The following PUDP variants were observed in gnomAD, a reference collection of about 807,000 sequenced individuals.
The protein encoded by PUDP is pseudouridine-5'-phosphatase.
Under a neutral mutation model 9.4 loss-of-function variants are expected in PUDP, and 8 were observed. That is an observed-to-expected ratio of 0.85 (90% CI 0.50 to 1.53). The LOEUF is 1.53. Among genes scored for constraint, PUDP ranks in the 40% most tolerant of loss-of-function variants. The pLI is 0.00. For synonymous variants in PUDP, 99 were observed against 80.7 expected (o/e 1.23, Z -1.22); for missense variants, 188 against 189.7 (o/e 0.99, Z 0.05).
chrX:6,778,201 T>C (rs1925498570), intron 3 of PUDP, among the ~76,000 whole-genome samples: 1 of 111,781 alleles, frequency 8.9e-6, no homozygotes, highest in South Asian at 3.8e-4. Flanking sequence ...CTGGCCCCCT[T>C]ACGTCCCTGA....
intron 3 of PUDP, among the ~76,000 whole-genome samples, chrX:6,783,343 G>C (rs1925595883): frequency 9.0e-6 from 1 of 111,026 alleles, no homozygotes; most frequent in Non-Finnish European, 1.9e-5. Context: ...TCCTCCTCTA[G>C]CTTTCGGGAA....
At chrX:6,915,109 T>G (rs1927910130) in intron 3 of PUDP, among the ~76,000 whole-genome samples, 1 of 112,168 alleles carries the variant, frequency 8.9e-6, no homozygotes, top group South Asian at 3.7e-4. Context: ...GAATTAGCCT[T>G]TGTATCTCTG....
At chrX:7,065,102 C>A (rs766605252) in intron 3 of PUDP, among the ~76,000 whole-genome samples, 1 of 111,597 alleles carries the variant, frequency 9.0e-6, no homozygotes, top group Non-Finnish European at 1.9e-5. Context: ...CTCACTGCAA[C>A]CTCCTCCTCC....
At chrX:6,752,113 C>T (rs1268173026) in intron 3 of PUDP, among the ~76,000 whole-genome samples, 1 of 111,685 alleles carries the variant, frequency 9.0e-6, no homozygotes, top group East Asian at 2.8e-4. Flanking sequence ...ACTATAAATC[C>T]TCATTCATTC....
chrX:6,713,245 G>GCACA (rs779580317), intron 1 of PUDP, among the ~76,000 whole-genome samples: 61 of 111,801 alleles, frequency 5.5e-4, no homozygotes, highest in African/African-American at 1.9e-3. Context: ...TCCATTTGAA[G>GCACA]CACAGTGTCT....
intron 3 of PUDP, among the ~76,000 whole-genome samples, chrX:6,869,122 A>G (rs911519150): frequency 1.8e-5 from 2 of 111,879 alleles, no homozygotes; most frequent in African/African-American, 6.5e-5. Context: ...CTCTCAGCCA[A>G]ATGAAAATAT....
chrX:7,091,111 T>G (rs1442970665), intron 2 of PUDP, among the ~76,000 whole-genome samples: 3 of 111,767 alleles, frequency 2.7e-5, no homozygotes, highest in Non-Finnish European at 3.8e-5. Context: ...GTCAGGAGCC[T>G]CCTGTCCTCA....
At chrX:6,902,077 G>A (rs964796186) in intron 3 of PUDP, among the ~76,000 whole-genome samples, 1 of 110,185 alleles carries the variant, frequency 9.1e-6, no homozygotes, top group African/African-American at 3.3e-5. Flanking sequence ...GGGGGGCGGG[G>A]GTCTCACTGT....
intron 1 of PUDP, among the ~76,000 whole-genome samples, chrX:7,111,322 C>T (rs35569977): frequency 0.015 from 1,662 of 111,410 alleles, 14 homozygotes; most frequent in Non-Finnish European, 0.025. Context: ...TTTGCTCCTA[C>T]CCTCATGTTC....
At chrX:6,750,448 A>C (rs1243054695) in intron 3 of PUDP, among the ~76,000 whole-genome samples, 1 of 110,588 alleles carries the variant, frequency 9.0e-6, no homozygotes, top group African/African-American at 3.3e-5. Flanking sequence ...GAAGAGAGTA[A>C]ACCCCTGAAG....
chrX:7,100,851 A>T (rs1471737449), intron 2 of PUDP, among the ~76,000 whole-genome samples: 1 of 112,253 alleles, frequency 8.9e-6, no homozygotes. Context: ...GGAATTAGGC[A>T]CGGCCTGTCT....
At chrX:6,746,786 T>C (rs1158196772) in intron 3 of PUDP, among the ~76,000 whole-genome samples, 2 of 111,869 alleles carry the variant, frequency 1.8e-5, no homozygotes, top group Non-Finnish European at 3.8e-5. Context: ...ATGGTGTATA[T>C]GTACCACATT....
intron 3 of PUDP, among the ~76,000 whole-genome samples, chrX:6,827,991 G>T (rs1926448381): frequency 8.9e-6 from 1 of 111,971 alleles, no homozygotes; most frequent in African/African-American, 3.2e-5. Context: ...TCAGGGAGGA[G>T]AATGTTTCAA....
chrX:6,999,092 C>T (rs1397745114), intron 1 of PUDP, among the ~76,000 whole-genome samples: 1 of 111,127 alleles, frequency 9.0e-6, no homozygotes, highest in Non-Finnish European at 1.9e-5. Flanking sequence ...GAGTGATAAG[C>T]GCCATGCAAT....
intron 3 of PUDP, among the ~76,000 whole-genome samples, chrX:7,076,599 G>T (rs7051403): frequency 0.33 from 36,029 of 110,549 alleles, 4,504 homozygotes; most frequent in Middle Eastern, 0.48. Context: ...TATTTAACAA[G>T]AAGAGGGAGC....
At chrX:6,915,630 A>G (rs779790601) in intron 3 of PUDP, among the ~76,000 whole-genome samples, 33 of 112,405 alleles carry the variant, frequency 2.9e-4, no homozygotes, top group South Asian at 2.2e-3. Flanking sequence ...TGCCTACTAA[A>G]TAGATTTCAA....
intron 2 of PUDP, among the ~76,000 whole-genome samples, chrX:7,089,364 G>A (rs929549455): frequency 9.0e-6 from 1 of 111,416 alleles, no homozygotes; most frequent in Non-Finnish European, 1.9e-5. Flanking sequence ...GGCTCACAGC[G>A]CAGGGTGCAG....
rs142225578 is a variant in PUDP, at chrX:6,942,079, G to T, written c.*247+35054C>A. Among the ~76,000 whole-genome samples the T allele has an allele frequency of 2.6e-3, 286 of 110,941 alleles. 2 individuals are homozygous for T. The highest frequency in any genetic ancestry group is 0.022 in the Admixed American group (224 of 10,393). On this transcript the variant is annotated intron_variant and NMD_transcript_variant, in intron 3 of 3. Coordinates refer to the PUDP transcript ENST00000655425. ...GCAGGAGGAGGGAGGCGAGGGGAGG[G>T]TTAAAAAATTACCTATTGGGTACCA...
At chrX:6,726,938 A>G (rs1467740964) in intron 3 of PUDP, among the ~76,000 whole-genome samples, 4 of 112,257 alleles carry the variant, frequency 3.6e-5, no homozygotes, top group Non-Finnish European at 5.6e-5. Context: ...TGCTAAATAA[A>G]GGGTCTCTTT....
Sources: gnomAD v4.1 joint callset for allele counts (sites outside exome capture counted in the v4.1 genomes callset) on GRCh38, gnomAD v4.1.1 for gene constraint, MANE v1.5 for transcripts, NCBI Gene and HGNC (gene_info 2026-07-23, HGNC 2026-07-21) for gene names.